Variants in PELI2 observed in about 807,000 individuals in gnomAD.
PELI2 encodes pellino E3 ubiquitin protein ligase family member 2.
In PELI2, 23 loss-of-function variants were observed where a neutral mutation model predicts 42.3. The ratio of observed to expected loss-of-function variants is 0.54; its 90% CI spans 0.39 to 0.77. The LOEUF (loss-of-function observed/expected upper bound fraction) is 0.77, where lower values mean the gene tolerates loss of function less well. Ranked by LOEUF, PELI2 falls within the 30% of genes least tolerant of loss-of-function variation. PELI2 has a pLI of 0.00. For missense variants in PELI2, 463 were observed against 553.2 expected (o/e 0.84, Z 1.64); for synonymous variants, 245 against 212.2 (o/e 1.15, Z -1.34).
intron 2 of PELI2, among the ~76,000 whole-genome samples, chr14:56,216,814 A>G (rs200379990): frequency 6.6e-6 from 1 of 152,206 alleles, no homozygotes; most frequent in East Asian, 1.9e-4. Context: ...CTTACCCCGC[A>G]GACAGTTGGC....
At chr14:56,174,239 T>C (rs775896396) in intron 1 of PELI2, among the ~76,000 whole-genome samples, 1 of 152,198 alleles carries the variant, frequency 6.6e-6, no homozygotes, top group African/African-American at 2.4e-5. Context: ...TTCAATCCAC[T>C]GTACATAGAT....
chr14:56,261,142 G>A (rs1175246595), intron 2 of PELI2, among the ~76,000 whole-genome samples: 1 of 151,988 alleles, frequency 6.6e-6, no homozygotes, highest in East Asian at 1.9e-4. Context: ...GGATACTATT[G>A]ACAAGGGCAG....
At chr14:56,251,937 C>G (rs940942287) in intron 2 of PELI2, among the ~76,000 whole-genome samples, 1 of 151,882 alleles carries the variant, frequency 6.6e-6, no homozygotes, top group Non-Finnish European at 1.5e-5. Flanking sequence ...ACGTATACAC[C>G]GTAATTCTTT....
Position 56,296,985 on chromosome 14 carries a change from C to T in PELI2, c.1082C>T (p.Pro361Leu), listed in dbSNP as rs745387871. 42 of 1,613,998 alleles carry T rather than the reference C, an allele frequency of 2.6e-5. No individual in the cohort carries two copies. Among genetic ancestry groups the T allele is most frequent in the Non-Finnish European group, 3.3e-5 (39 of 1,180,024 alleles). Reference protein sequence around the residue: ...CEAGFYVDAGPPTHAFTPCGH... With the variant: ...CEAGFYVDAGLPTHAFTPCGH... The stretch of plus-strand genomic sequence containing the variant: ...GCAGGATTTTATGTAGACGCAGGAC[C>T]GCCAACTCATGCTTTCACTCCCTGT... Residue 361 changes from proline (P) to leucine (L), a missense_variant, in exon 6 of 6, where the codon CCG becomes CTG. Pro to Leu is a moderately conservative substitution (Grantham distance 98, BLOSUM62 -3). Around this residue, in one of 3 missense-constraint regions of PELI2, gnomAD observed 103 missense variants for 129.6 expected, o/e 0.80. Coordinates refer to ENST00000267460, the MANE Select transcript of PELI2 (RefSeq NM_021255.3).
At chr14:56,187,979 C>G (rs944101725) in intron 2 of PELI2, among the ~76,000 whole-genome samples, 1 of 152,186 alleles carries the variant, frequency 6.6e-6, no homozygotes, top group Non-Finnish European at 1.5e-5. Context: ...TTGTCGTTGC[C>G]CAGGATGATC....
chr14:56,234,775 C>T (rs923078655), intron 2 of PELI2, among the ~76,000 whole-genome samples: 2 of 151,630 alleles, frequency 1.3e-5, no homozygotes, highest in African/African-American at 4.8e-5. Flanking sequence ...AAAAGTGAAG[C>T]CTGGTGAGGC....
At chr14:56,158,030 T>G (rs1419260253) in intron 1 of PELI2, among the ~76,000 whole-genome samples, 2 of 152,180 alleles carry the variant, frequency 1.3e-5, no homozygotes, top group East Asian at 3.8e-4. Flanking sequence ...TTTGAGATTC[T>G]TCTTCTTCTT....
Position 56,219,199 on chromosome 14 carries a change from A to G in PELI2, c.207+40735A>G, listed in dbSNP as rs948646221. 1.3e-5 allele frequency among the ~76,000 whole-genome samples: 2 copies of G among 150,580 alleles called. No individual in the cohort carries two copies. Among genetic ancestry groups the G allele is most frequent in the Non-Finnish European group, 3.0e-5 (2 of 67,786 alleles). Reference sequence around the variant, plus strand: ...CAATAAGGTGTTTGTTTATTTATTTATTTATTTTGGTTTTAAGGAGCAGAG... The same window carrying G: ...CAATAAGGTGTTTGTTTATTTATTTGTTTATTTTGGTTTTAAGGAGCAGAG... On this transcript the variant is annotated intron_variant, in intron 2 of 5. Coordinates refer to ENST00000267460, the MANE Select transcript of PELI2 (RefSeq NM_021255.3). This position sits in a 1 kb window ranked among gnomAD's most constrained non-coding sequence, Gnocchi z 4.1.
chr14:56,246,415 A>G lies in PELI2; in HGVS notation c.208-33261A>G, dbSNP rs1037902713. ...AATGTTAATAACTACTTAAGCTGCTAATCTTCCCCTAAGACATCACTTCCA... is the reference window on the plus strand; with the variant it reads ...AATGTTAATAACTACTTAAGCTGCTGATCTTCCCCTAAGACATCACTTCCA... On this transcript the variant is annotated intron_variant, in intron 2 of 5. Transcript: ENST00000267460. Among the ~76,000 whole-genome samples, 3 of 152,158 alleles carry G rather than the reference A, an allele frequency of 2.0e-5. No individual in the cohort carries two copies. In the South Asian group the frequency reaches 6.2e-4, roughly 31 times the overall value.
At chr14:56,256,077 T>G (rs1184260644) in intron 2 of PELI2, among the ~76,000 whole-genome samples, 1 of 152,208 alleles carries the variant, frequency 6.6e-6, no homozygotes, top group Middle Eastern at 3.2e-3. Context: ...AATTTCATCT[T>G]AACTCCTGTG....
At chr14:56,175,783 C>T (rs1439039131) in intron 1 of PELI2, among the ~76,000 whole-genome samples, 4 of 152,194 alleles carry the variant, frequency 2.6e-5, no homozygotes, top group South Asian at 2.1e-4. Context: ...GGTTGTAACT[C>T]GTGGAAATCA....
At chr14:56,169,844 C>T (rs535474835) in intron 1 of PELI2, among the ~76,000 whole-genome samples, 1 of 152,186 alleles carries the variant, frequency 6.6e-6, no homozygotes, top group South Asian at 2.1e-4. Flanking sequence ...GCTTTATAGT[C>T]CATTGGGTCA....
chr14:56,228,439 G>T (rs1327089037), intron 2 of PELI2, among the ~76,000 whole-genome samples: 5 of 152,054 alleles, frequency 3.3e-5, no homozygotes, highest in South Asian at 2.1e-4. Context: ...TTTATTCAAG[G>T]ATACCTAAGT....
chr14:56,119,844 A>G (rs1213091934), intron 1 of PELI2: 1 of 985,322 alleles, frequency 1.0e-6, no homozygotes, highest in Non-Finnish European at 1.2e-6. Flanking sequence ...TGTATTCAGA[A>G]CATCCTCGGC....
chr14:56,230,440 A>G (rs945412379), intron 2 of PELI2, among the ~76,000 whole-genome samples: 2 of 152,256 alleles, frequency 1.3e-5, no homozygotes, highest in African/African-American at 4.8e-5. Flanking sequence ...AGTGGGGGCC[A>G]GTATTCAACA....
intron 2 of PELI2, among the ~76,000 whole-genome samples, chr14:56,262,065 A>T (rs547089944): frequency 2.0e-5 from 3 of 152,368 alleles, no homozygotes; most frequent in African/African-American, 7.2e-5. Context: ...AGGGCAACAC[A>T]TTATTTGTTG....
At chr14:56,202,595 A>G (rs1038987053) in intron 2 of PELI2, among the ~76,000 whole-genome samples, 1 of 151,982 alleles carries the variant, frequency 6.6e-6, no homozygotes. Context: ...TGATATTTGG[A>G]TGTCTGTTCA....
intron 2 of PELI2, among the ~76,000 whole-genome samples, chr14:56,246,459 C>A (rs1481605482): frequency 6.6e-6 from 1 of 152,202 alleles, no homozygotes; most frequent in Admixed American, 6.5e-5. Context: ...TGCACTAATT[C>A]TTTCAACCCT....
intron 1 of PELI2, among the ~76,000 whole-genome samples, chr14:56,127,937 T>C (rs1253138865): frequency 1.3e-5 from 2 of 152,224 alleles, no homozygotes; most frequent in Non-Finnish European, 2.9e-5. Flanking sequence ...TTGTTGTTTT[T>C]AAAGCTTAAA....
Sources: allele counts gnomAD v4.1 joint callset (sites outside exome capture counted in the v4.1 genomes callset), GRCh38; gene constraint gnomAD v4.1.1; regional missense constraint gnomAD v4.1.1; non-coding constraint Gnocchi (gnomAD v3.1); transcripts MANE v1.5; gene names NCBI Gene and HGNC (gene_info 2026-07-23, HGNC 2026-07-21).